The following NKAIN2 variants were observed in gnomAD, a reference collection of about 807,000 sequenced individuals.
NKAIN2 encodes the protein sodium/potassium-transporting ATPase subunit beta-1-interacting protein 2.
In NKAIN2, 14 loss-of-function variants were observed where a neutral mutation model predicts 32.6. The ratio of observed to expected loss-of-function variants is 0.43; its 90% CI spans 0.28 to 0.67. The LOEUF is 0.67. Among genes scored for constraint, NKAIN2 ranks in the 30% least tolerant of loss-of-function variants. NKAIN2 has a pLI of 0.17. For synonymous variants in NKAIN2, 80 were observed against 87.2 expected (o/e 0.92, Z 0.46); for missense variants, 198 against 258.3 (o/e 0.77, Z 1.60).
chr6:124,151,858 T>C (rs1399663570), intron 1 of NKAIN2, among the ~76,000 whole-genome samples: 1 of 151,998 alleles, frequency 6.6e-6, no homozygotes, highest in Non-Finnish European at 1.5e-5. Flanking sequence ...CATATTAATT[T>C]ATAGGAATTT....
chr6:124,624,607 C>T (rs1783233373), intron 3 of NKAIN2, among the ~76,000 whole-genome samples: 1 of 152,112 alleles, frequency 6.6e-6, no homozygotes, highest in Non-Finnish European at 1.5e-5. Flanking sequence ...GTAAGGAAGC[C>T]TTCCAAATTA....
intron 3 of NKAIN2, among the ~76,000 whole-genome samples, chr6:124,399,029 T>G (rs1336806404): frequency 1.3e-5 from 2 of 152,060 alleles, no homozygotes; most frequent in Non-Finnish European, 2.9e-5. Context: ...CAGGTTCAAG[T>G]GATTCTCTTG....
chr6:124,784,802 A>G (rs1213344469), intron 4 of NKAIN2, among the ~76,000 whole-genome samples: 1 of 152,222 alleles, frequency 6.6e-6, no homozygotes, highest in Non-Finnish European at 1.5e-5. Flanking sequence ...GTTTGTAAAG[A>G]AACCTCCAAA....
intron 1 of NKAIN2, among the ~76,000 whole-genome samples, chr6:124,267,589 A>G (rs770294000): frequency 7.2e-5 from 11 of 152,154 alleles, no homozygotes; most frequent in African/African-American, 1.2e-4. Context: ...TACAGTGGAT[A>G]TATTAAAATT....
chr6:124,177,628 T>G (rs1371671798), intron 1 of NKAIN2, among the ~76,000 whole-genome samples: 1 of 152,196 alleles, frequency 6.6e-6, no homozygotes, highest in African/African-American at 2.4e-5. Context: ...GTTGAAAGTT[T>G]TTTTTTCCCC....
chr6:123,819,239 G>A (rs1177996804), intron 1 of NKAIN2, among the ~76,000 whole-genome samples: 3 of 152,060 alleles, frequency 2.0e-5, no homozygotes, highest in African/African-American at 7.2e-5. Flanking sequence ...TGTATGCCTC[G>A]GGAATAGTAT....
At chr6:124,007,625 A>G (rs1341521579) in intron 1 of NKAIN2, among the ~76,000 whole-genome samples, 1 of 152,140 alleles carries the variant, frequency 6.6e-6, no homozygotes, top group East Asian at 1.9e-4. Context: ...TGTCAAAGTC[A>G]TTGTTGAAGT....
intron 1 of NKAIN2, among the ~76,000 whole-genome samples, chr6:124,152,126 G>A (rs766271359): frequency 9.2e-5 from 14 of 151,724 alleles, no homozygotes; most frequent in Non-Finnish European, 2.1e-4. Flanking sequence ...CAAATTATTT[G>A]TGTATGCATG....
At chr6:124,274,812 TA>T (rs910855359) in intron 1 of NKAIN2, among the ~76,000 whole-genome samples, 7 of 151,956 alleles carry the variant, frequency 4.6e-5, no homozygotes, top group Admixed American at 3.9e-4. Context: ...TGTGTTATGA[TA>T]AAAAAATTAA....
At chr6:124,110,347 A>T (rs1455413073) in intron 1 of NKAIN2, among the ~76,000 whole-genome samples, 4 of 151,962 alleles carry the variant, frequency 2.6e-5, no homozygotes, top group Non-Finnish European at 5.9e-5. Flanking sequence ...AATAAGGAAA[A>T]ATTGTGTACT....
intron 1 of NKAIN2, among the ~76,000 whole-genome samples, chr6:124,070,032 T>C (rs1465892813): frequency 6.6e-6 from 1 of 152,220 alleles, no homozygotes; most frequent in South Asian, 2.1e-4. Flanking sequence ...TATTTTAACC[T>C]TATTAATTAG....
At position 124,114,918 on chromosome 6, in the gene NKAIN2, T is replaced by A. The variant is rs1367297299; in HGVS notation, c.55-168087T>A. Among the ~76,000 whole-genome samples, 251 of 152,252 alleles carry A rather than the reference T, an allele frequency of 1.6e-3. 1 individual carries two copies. Among genetic ancestry groups the A allele is most frequent in the African/African-American group, 5.8e-3 (241 of 41,572 alleles). On this transcript the variant is annotated intron_variant, in intron 1 of 6. Transcript: ENST00000368417. ...AGAATGATGATTGAGACAGTGGCTC[T>A]ATTAGGCTGAAGGACAAGATCACAG... is the stretch of plus-strand genomic sequence containing the variant.
At chr6:123,922,075 C>T (rs765835307) in intron 1 of NKAIN2, among the ~76,000 whole-genome samples, 3 of 152,166 alleles carry the variant, frequency 2.0e-5, no homozygotes, top group Non-Finnish European at 4.4e-5. Context: ...TAGAGAGACA[C>T]ATGTCTAAAT....
chr6:123,946,895 T>C (rs1475236194), intron 1 of NKAIN2, among the ~76,000 whole-genome samples: 1 of 152,130 alleles, frequency 6.6e-6, no homozygotes, highest in Non-Finnish European at 1.5e-5. Context: ...GAGGCATCAA[T>C]CAAAGCCATT....
At chr6:123,980,886 T>G (rs1384530688) in intron 1 of NKAIN2, among the ~76,000 whole-genome samples, 2 of 152,006 alleles carry the variant, frequency 1.3e-5, no homozygotes, top group African/African-American at 4.8e-5. Context: ...TTTTTTTTTT[T>G]TTGAGATGGA....
At chr6:123,925,019 G>A (rs896959505) in intron 1 of NKAIN2, among the ~76,000 whole-genome samples, 1 of 151,934 alleles carries the variant, frequency 6.6e-6, no homozygotes, top group Non-Finnish European at 1.5e-5. Context: ...AACCAAAAAC[G>A]TGTTTATGTA....
chr6:123,817,851 G>A lies in NKAIN2; in HGVS notation c.54+13597G>A, dbSNP rs973581770. Among the ~76,000 whole-genome samples, 75 of 152,286 alleles carry A rather than the reference G, an allele frequency of 4.9e-4. 1 individual carries two copies. Among genetic ancestry groups the A allele is most frequent in the Non-Finnish European group, 7.3e-5 (5 of 68,028 alleles). ...ACATACATTAGGAAAGGGGGGTGCTGAATAAGCATTTGTGGGAGTATTGAC... is the reference window on the plus strand; with the variant it reads ...ACATACATTAGGAAAGGGGGGTGCTAAATAAGCATTTGTGGGAGTATTGAC... On this transcript the variant is annotated intron_variant, in intron 1 of 6. Coordinates refer to ENST00000368417, the MANE Select transcript of NKAIN2 (RefSeq NM_001040214.3).
At chr6:124,104,882 AG>A (rs1379451399) in intron 1 of NKAIN2, among the ~76,000 whole-genome samples, 2 of 152,186 alleles carry the variant, frequency 1.3e-5, no homozygotes, top group African/African-American at 2.4e-5. Context: ...GCTAGTGTGT[AG>A]GTTTAGACAA....
intron 1 of NKAIN2, among the ~76,000 whole-genome samples, chr6:124,127,668 T>A (rs971630075): frequency 6.6e-5 from 10 of 152,098 alleles, no homozygotes; most frequent in Non-Finnish European, 1.5e-4. Context: ...TACTCACTCA[T>A]TAAGTGAGAT....
Sources: gnomAD v4.1 joint callset for allele counts (sites outside exome capture counted in the v4.1 genomes callset) on GRCh38, gnomAD v4.1.1 for gene constraint, MANE v1.5 for transcripts, NCBI Gene and HGNC (gene_info 2026-07-23, HGNC 2026-07-21) for gene names.